Variants in ARHGAP24 observed in about 807,000 individuals in gnomAD.
ARHGAP24 encodes the protein rho GTPase-activating protein 24.
ARHGAP24 carries 50 observed loss-of-function variants against 76.4 expected under a neutral mutation model. That is an observed-to-expected ratio of 0.65 (90% confidence interval 0.52 to 0.83). The LOEUF (loss-of-function observed/expected upper bound fraction) is 0.83, where lower values mean the gene tolerates loss of function less well. Among genes scored for constraint, ARHGAP24 ranks in the 40% least tolerant of loss-of-function variants. The pLI is 0.00. For synonymous variants in ARHGAP24, 345 were observed against 323.3 expected (o/e 1.07, Z -0.72); for missense variants, 930 against 914.2 (o/e 1.02, Z -0.22).
chr4:85,534,377 A>G (rs561181700), intron 1 of ARHGAP24, among the ~76,000 whole-genome samples: 1 of 152,312 alleles, frequency 6.6e-6, no homozygotes, highest in Admixed American at 6.5e-5. Flanking sequence ...TAACTTCTGT[A>G]AGACTGCAGG....
chr4:85,993,518 T>C (rs1740461213), intron 8 of ARHGAP24, among the ~76,000 whole-genome samples: 2 of 152,188 alleles, frequency 1.3e-5, no homozygotes, highest in African/African-American at 2.4e-5. Context: ...TTTTGAATTA[T>C]ATTTCCCAGG....
At chr4:85,532,050 A>T (rs1255228555) in intron 1 of ARHGAP24, among the ~76,000 whole-genome samples, 1 of 152,164 alleles carries the variant, frequency 6.6e-6, no homozygotes, top group Admixed American at 6.6e-5. Flanking sequence ...TATAAAGCAA[A>T]GCACAAATGT....
intron 3 of ARHGAP24, among the ~76,000 whole-genome samples, chr4:85,758,503 G>A (rs1189742343): frequency 1.3e-5 from 2 of 152,190 alleles, no homozygotes; most frequent in Admixed American, 6.5e-5. Context: ...TTGCATGTTT[G>A]CAGGGAGGAA....
chr4:85,619,278 T>C (rs1416586161), intron 2 of ARHGAP24, among the ~76,000 whole-genome samples: 1 of 152,090 alleles, frequency 6.6e-6, no homozygotes, highest in Non-Finnish European at 1.5e-5. Context: ...TGACTATAAA[T>C]GCATCCATTT....
At chr4:85,476,357 G>A (rs1409895811) in intron 1 of ARHGAP24, among the ~76,000 whole-genome samples, 1 of 151,836 alleles carries the variant, frequency 6.6e-6, no homozygotes, top group African/African-American at 2.4e-5. Flanking sequence ...ACTATATCTC[G>A]TTTAATTCAT....
intron 1 of ARHGAP24, among the ~76,000 whole-genome samples, chr4:85,557,390 C>T (rs1163747559): frequency 1.3e-5 from 2 of 152,182 alleles, no homozygotes; most frequent in Admixed American, 6.5e-5. Context: ...AGGGCTCTGC[C>T]CAGACTCCCA....
intron 3 of ARHGAP24, among the ~76,000 whole-genome samples, chr4:85,844,229 G>A (rs1413313250): frequency 6.6e-6 from 1 of 152,186 alleles, no homozygotes; most frequent in African/African-American, 2.4e-5. Flanking sequence ...AACACAATGA[G>A]CTAACACTGA....
At chr4:85,913,765 T>C (rs1471163061) in intron 3 of ARHGAP24, among the ~76,000 whole-genome samples, 1 of 152,188 alleles carries the variant, frequency 6.6e-6, no homozygotes, top group East Asian at 1.9e-4. Context: ...ATAAAAGTAA[T>C]TTGTAAACTG....
chr4:85,754,272 A>T (rs888873804), intron 3 of ARHGAP24, among the ~76,000 whole-genome samples: 13 of 152,220 alleles, frequency 8.5e-5, no homozygotes, highest in African/African-American at 3.1e-4. Context: ...ATTCTTTTGT[A>T]TGGGTGAATA....
At chr4:85,666,418 A>G (rs1560576419) in intron 2 of ARHGAP24, among the ~76,000 whole-genome samples, 1 of 152,080 alleles carries the variant, frequency 6.6e-6, no homozygotes, top group Non-Finnish European at 1.5e-5. Context: ...AAAATTTTTA[A>G]CTTCTTTGCC....
intron 3 of ARHGAP24, among the ~76,000 whole-genome samples, chr4:85,884,073 A>C (rs1056415677): frequency 6.6e-6 from 1 of 152,232 alleles, no homozygotes; most frequent in Non-Finnish European, 1.5e-5. Context: ...AATTTTGTGC[A>C]GGAATATGTA....
chr4:85,756,509 A>G (rs909461727), intron 3 of ARHGAP24, among the ~76,000 whole-genome samples: 15 of 152,256 alleles, frequency 9.9e-5, no homozygotes, highest in African/African-American at 2.9e-4. Flanking sequence ...TCCAAAAAGT[A>G]TAAGAATCAG....
At chr4:85,595,497 G>A (rs1719774788) in intron 2 of ARHGAP24, among the ~76,000 whole-genome samples, 1 of 152,088 alleles carries the variant, frequency 6.6e-6, no homozygotes, top group Non-Finnish European at 1.5e-5. Flanking sequence ...CTGAACTTCA[G>A]TGTGTAGCAT....
chr4:85,575,977 T>C (rs990622992), intron 2 of ARHGAP24, among the ~76,000 whole-genome samples: 2 of 152,196 alleles, frequency 1.3e-5, no homozygotes, highest in Non-Finnish European at 1.5e-5. Context: ...ACAACAGATA[T>C]TGATCCAATT....
At chr4:85,642,281 G>A (rs1721552110) in intron 2 of ARHGAP24, among the ~76,000 whole-genome samples, 1 of 152,026 alleles carries the variant, frequency 6.6e-6, no homozygotes, top group Non-Finnish European at 1.5e-5. Flanking sequence ...CATAACAAGG[G>A]CCATAGAATC....
At chr4:85,828,092 G>A in intron 3 of ARHGAP24, 1 of 759,448 alleles carries the variant, frequency 1.3e-6, no homozygotes, top group Non-Finnish European at 2.0e-6. Flanking sequence ...TAGACTGTGT[G>A]CGGTTTTATT....
chr4:85,888,408 A>AG (rs1733693837), intron 3 of ARHGAP24, among the ~76,000 whole-genome samples: 1 of 151,000 alleles, frequency 6.6e-6, no homozygotes, highest in Non-Finnish European at 1.5e-5. Context: ...TCAAGAAAAA[A>AG]AAAAAAAAAA....
At chr4:85,710,135 A>G (rs1724468136) in intron 2 of ARHGAP24, among the ~76,000 whole-genome samples, 1 of 152,174 alleles carries the variant, frequency 6.6e-6, no homozygotes, top group East Asian at 1.9e-4. Flanking sequence ...CAGCGAAAAT[A>G]GCCTGGTACT....
chr4:85,710,768 T>G (rs1724497645), intron 2 of ARHGAP24, among the ~76,000 whole-genome samples: 1 of 152,116 alleles, frequency 6.6e-6, no homozygotes, highest in Non-Finnish European at 1.5e-5. Flanking sequence ...GGACACCGTC[T>G]CATACCAGTC....
Sources: allele counts gnomAD v4.1 joint callset (sites outside exome capture counted in the v4.1 genomes callset), GRCh38; gene constraint gnomAD v4.1.1; transcripts MANE v1.5; gene names NCBI Gene and HGNC (gene_info 2026-07-23, HGNC 2026-07-21).